The following COL13A1 variants were observed in gnomAD, a reference collection of about 807,000 sequenced individuals.
COL13A1 encodes collagen alpha-1(XIII) chain.
In COL13A1, 89 loss-of-function variants were observed where a neutral mutation model predicts 130.9. The ratio of observed to expected loss-of-function variants is 0.68; its 90% CI spans 0.57 to 0.81. COL13A1 has a LOEUF of 0.81. Ranked by LOEUF, COL13A1 falls within the 30% of genes least tolerant of loss-of-function variation. The pLI, the probability that COL13A1 is intolerant of heterozygous loss-of-function variation, is 0.00. For synonymous variants in COL13A1, 402 were observed against 341.6 expected, an observed-to-expected ratio of 1.18 and a Z score of -1.95; for missense variants, 879 against 934.6, an observed-to-expected ratio of 0.94 and a Z score of 0.78.
At chr10:69,837,194 G>A (rs1202905156) in intron 2 of COL13A1, among the ~76,000 whole-genome samples, 1 of 152,186 alleles carries the variant, frequency 6.6e-6, no homozygotes, top group African/African-American at 2.4e-5. Context: ...TTTCCCTCGG[G>A]GTGTTCGGGA....
intron 1 of COL13A1, among the ~76,000 whole-genome samples, chr10:69,805,366 G>A (rs955977051): frequency 1.3e-5 from 2 of 152,146 alleles, no homozygotes; most frequent in African/African-American, 4.8e-5. Flanking sequence ...GTCAATAGGG[G>A]AAGATGCTGG....
At chr10:69,936,108 GGAAGGAAGGAAGGAAGGAAAGA>G (rs1565118494) in intron 32 of COL13A1, among the ~76,000 whole-genome samples, 5 of 30,274 alleles carry the variant, frequency 1.7e-4, no homozygotes, top group East Asian at 9.8e-4. Flanking sequence ...AAGGGAGGAA[GGAAGGAAGGAAGGAAGGAAAGA>G]AGGAAGGAAG....
intron 1 of COL13A1, among the ~76,000 whole-genome samples, chr10:69,813,855 C>G (rs1023896951): frequency 2.0e-5 from 3 of 152,216 alleles, no homozygotes; most frequent in Non-Finnish European, 4.4e-5. Flanking sequence ...GGGGCCAGCA[C>G]TGAGCAGCCA....
intron 1 of COL13A1, among the ~76,000 whole-genome samples, chr10:69,804,992 G>A (rs1841141982): frequency 1.3e-5 from 2 of 152,262 alleles, no homozygotes; most frequent in South Asian, 2.1e-4. Flanking sequence ...GCAAAAGCGG[G>A]CGAGTGTGAA....
intron 2 of COL13A1, among the ~76,000 whole-genome samples, chr10:69,854,034 A>C (rs911793536): frequency 2.6e-5 from 4 of 152,246 alleles, no homozygotes; most frequent in Non-Finnish European, 4.4e-5. Flanking sequence ...CAAATGTAAA[A>C]TCCAAAGTGT....
chr10:69,829,174 A>T, intron 2 of COL13A1: 1 of 937,824 alleles, frequency 1.1e-6, no homozygotes, highest in Non-Finnish European at 1.3e-6. Flanking sequence ...GTCAATCACC[A>T]AGTCTCATTC....
At chr10:69,894,096 C>G (rs1412951208) in intron 10 of COL13A1, among the ~76,000 whole-genome samples, 1 of 152,214 alleles carries the variant, frequency 6.6e-6, no homozygotes, top group Non-Finnish European at 1.5e-5. Context: ...GAAGGTTTCT[C>G]TAAGGCCCCC....
chr10:69,846,066 G>T (rs1180710167), intron 2 of COL13A1, among the ~76,000 whole-genome samples: 2 of 152,234 alleles, frequency 1.3e-5, no homozygotes, highest in African/African-American at 2.4e-5. Flanking sequence ...GACATGACAC[G>T]GTTCCCGTGC....
chr10:69,929,577 A>G (rs967301072), intron 28 of COL13A1, among the ~76,000 whole-genome samples: 3 of 152,178 alleles, frequency 2.0e-5, no homozygotes, highest in Non-Finnish European at 4.4e-5. Context: ...TAGGACCTAC[A>G]TCATTTTGCC....
chr10:69,920,155 T>C (rs1463697582), intron 21 of COL13A1, among the ~76,000 whole-genome samples: 1 of 152,184 alleles, frequency 6.6e-6, no homozygotes, highest in African/African-American at 2.4e-5. Context: ...CTCAGGCTAC[T>C]TTACCGTTCA....
At chr10:69,823,737 G>A (rs75763459) in intron 2 of COL13A1, among the ~76,000 whole-genome samples, 4,187 of 152,274 alleles carry the variant, frequency 0.027, 203 homozygotes, top group African/African-American at 0.096. Flanking sequence ...AGCTGGACCC[G>A]GTGAGAAGAG....
At chr10:69,902,910 C>T (rs2062353839) in intron 15 of COL13A1, 55 bp downstream of exon 15, 1 of 1,374,770 alleles carries the variant, frequency 7.3e-7, no homozygotes, top group Non-Finnish European at 9.7e-7. Context: ...TCTCTGGAAA[C>T]CTCCAAACCT....
intron 17 of COL13A1, among the ~76,000 whole-genome samples, chr10:69,908,709 T>G (rs950757686): frequency 6.6e-6 from 1 of 152,180 alleles, no homozygotes; most frequent in Non-Finnish European, 1.5e-5. Flanking sequence ...GGAAGAAACA[T>G]GTAACCCAGG....
chr10:69,937,215 CA>C (rs2067047755), intron 33 of COL13A1, among the ~76,000 whole-genome samples: 1 of 152,190 alleles, frequency 6.6e-6, no homozygotes, highest in Non-Finnish European at 1.5e-5. Context: ...GTTGATGTGA[CA>C]ATGGCCCTTT....
At chr10:69,866,961 G>A (rs1481933568) in intron 2 of COL13A1, among the ~76,000 whole-genome samples, 3 of 152,120 alleles carry the variant, frequency 2.0e-5, no homozygotes, top group African/African-American at 7.2e-5. Flanking sequence ...GTGGGGTTTC[G>A]TGGCTCATGT....
intron 14 of COL13A1, among the ~76,000 whole-genome samples, chr10:69,899,558 T>A (rs766361355): frequency 2.6e-5 from 4 of 152,226 alleles, no homozygotes; most frequent in Non-Finnish European, 4.4e-5. Flanking sequence ...CTGCTTAGCA[T>A]CTGATCCCTC....
In COL13A1 at chr10:69,846,816, C is replaced by T. The variant is rs569958961; in HGVS notation, c.365-20982C>T. On this transcript the variant is annotated intron_variant, in intron 2 of 40. Transcript: ENST00000645393. ...GTTTCCCTGGAGGTCCCTCCTCTGC[C>T]GTGGCTGCTGGTGAGCCGGGGTGTG... Among the ~76,000 whole-genome samples the T allele has an allele frequency of 2.9e-4, 44 of 152,318 alleles. No individual in the cohort carries two copies. In the South Asian group the frequency reaches 8.7e-3, roughly 30 times the overall value.
chr10:69,829,263 C>T (rs1485676863), intron 2 of COL13A1: 2 of 985,384 alleles, frequency 2.0e-6, no homozygotes, highest in Non-Finnish European at 2.4e-6. Context: ...CCTCCAAACC[C>T]TTCTTTACAC....
Position 69,944,093 on chromosome 10 carries a change from AC to A in COL13A1, c.1915-29del, listed in dbSNP as rs773654375. On this transcript the variant is annotated intron_variant, in intron 35 of 40. Coordinates refer to ENST00000645393, the MANE Select transcript of COL13A1 (RefSeq NM_001368882.1). ...ACCCAGGGCTCCCCAGAGTGTGGGG[AC>A]CCTCACCTCTGCTTTCTTTCCCCTT... The A allele has an allele frequency of 1.9e-6, 3 of 1,599,040 alleles. No individual in the cohort carries two copies. The East Asian group carries it at 6.7e-5, about 36-fold the overall frequency.
Sources: allele counts gnomAD v4.1 joint callset (sites outside exome capture counted in the v4.1 genomes callset), GRCh38; gene constraint gnomAD v4.1.1; transcripts MANE v1.5; gene names NCBI Gene and HGNC (gene_info 2026-07-23, HGNC 2026-07-21).